The following AMZ2 variants were observed in gnomAD, a reference collection of about 807,000 sequenced individuals.
AMZ2 encodes the protein archaelysin family metallopeptidase 2.
In AMZ2, 26 loss-of-function variants were observed where a neutral mutation model predicts 36.7. That is an observed-to-expected ratio of 0.71 (90% CI 0.52 to 0.98). AMZ2 has a LOEUF of 0.98. Ranked by LOEUF, AMZ2 falls within the 50% of genes least tolerant of loss-of-function variation. The pLI, the probability that AMZ2 is intolerant of heterozygous loss-of-function variation, is 0.00. For missense variants in AMZ2, 394 were observed against 430.5 expected (o/e 0.92, Z 0.75); for synonymous variants, 144 against 149.1 (o/e 0.97, Z 0.25).
At chr17:68,209,632 A>ATATATATATATGTATATATATT in intron 1 of AMZ2, among the ~76,000 whole-genome samples, 1 of 90,690 alleles carries the variant, frequency 1.1e-5, no homozygotes, top group South Asian at 3.9e-4. Flanking sequence ...ATATATATAT[A>ATATATATATATGTATATATATT]TTTTTTTTTT....
rs193102452 is a variant in AMZ2, at chr17:68,224,713, T to A, written c.-67+18475T>A. On this transcript the variant is annotated intron_variant, in intron 1 of 7. Transcript: ENST00000674770. ...TGCGACAACATCTGGTTAATTTTTT[T>A]AAATTTTCTTAGAGTTGGGGTCTTC... 3.0e-3 allele frequency among the ~76,000 whole-genome samples: 461 copies of A among 152,204 alleles called. 1 individual carries two copies. Among genetic ancestry groups the A allele is most frequent in the African/African-American group, 0.011 (441 of 41,522 alleles).
At chr17:68,223,623 T>G (rs1555729107) in intron 1 of AMZ2, among the ~76,000 whole-genome samples, 1 of 152,158 alleles carries the variant, frequency 6.6e-6, no homozygotes, top group African/African-American at 2.4e-5. Flanking sequence ...CAATGCAACC[T>G]CTGCCTCTCG....
intron 1 of AMZ2, among the ~76,000 whole-genome samples, chr17:68,216,981 C>T (rs8074302): frequency 0.22 from 32,971 of 149,980 alleles, 4,006 homozygotes; most frequent in African/African-American, 0.32. Flanking sequence ...TGCAGTGAGC[C>T]GAGTTTGCGC....
upstream of AMZ2, chr17:68,247,336 CAAAAAAAAAA>C (rs71142158): frequency 2.6e-5 from 2 of 78,198 alleles, no homozygotes; most frequent in Non-Finnish European, 4.7e-5. Flanking sequence ...ACTCCGTCTC[CAAAAAAAAAA>C]AAAAAAAAAA....
At chr17:68,241,113 G>T (rs2073891986) in intron 1 of AMZ2, among the ~76,000 whole-genome samples, 1 of 152,030 alleles carries the variant, frequency 6.6e-6, no homozygotes, top group Admixed American at 6.6e-5. Context: ...AACCAGTATA[G>T]ATATGAATGG....
intron 1 of AMZ2, among the ~76,000 whole-genome samples, chr17:68,232,289 G>A (rs2073684604): frequency 6.6e-6 from 1 of 151,910 alleles, no homozygotes; most frequent in Admixed American, 6.6e-5. Context: ...TGGAGCCCAG[G>A]AGTATGAGAG....
chr17:68,255,635 A>G, intron 5 of AMZ2, 65 bp from the exon 6 acceptor site: 1 of 1,513,438 alleles, frequency 6.6e-7, no homozygotes, highest in African/African-American at 1.4e-5. Flanking sequence ...AAAGCAAGAA[A>G]AAGAAGAGAC....
At position 68,251,105 on chromosome 17, in the gene AMZ2, G is replaced by A. The variant is rs1372408041; in HGVS notation, c.513G>A (p.Val171=). 6.2e-7 allele frequency: 1 copy of A among 1,613,624 alleles called. No homozygotes were observed. The highest frequency in any genetic ancestry group is 1.3e-5 in the African/African-American group (1 of 74,888). The change falls in exon 4 of 7, where the codon GTG becomes GTA. Residue 171 remains valine, a synonymous_variant. Transcript: ENST00000359904. Reference sequence around the variant, plus strand: ...AACCTGAAGATGCCTTCTGTGTTGTGGGAATAACAATGATTGATCTTTACC... The same window carrying A: ...AACCTGAAGATGCCTTCTGTGTTGTAGGAATAACAATGATTGATCTTTACC... The part of the protein sequence containing the change: ...KKKPEDAFCV[V]GITMIDLYPR...
chr17:68,212,807 A>G (rs1401041568), intron 1 of AMZ2, among the ~76,000 whole-genome samples: 15 of 152,206 alleles, frequency 9.9e-5, no homozygotes, highest in Admixed American at 5.9e-4. Context: ...GGTTCAAGCA[A>G]TCCACCGACC....
intron 1 of AMZ2, among the ~76,000 whole-genome samples, chr17:68,217,810 ATTTT>A (rs145685949): frequency 0.32 from 43,612 of 136,422 alleles, 6,682 homozygotes; most frequent in African/African-American, 0.37. Flanking sequence ...AATAAAAAAG[ATTTT>A]TTTTTTTTTT....
At chr17:68,240,681 G>C (rs2073883988) in intron 1 of AMZ2, among the ~76,000 whole-genome samples, 1 of 152,120 alleles carries the variant, frequency 6.6e-6, no homozygotes, top group Non-Finnish European at 1.5e-5. Flanking sequence ...TAACCCTTCA[G>C]AACTCTAAGG....
At chr17:68,222,795 G>A (rs189989308) in intron 1 of AMZ2, among the ~76,000 whole-genome samples, 101 of 152,298 alleles carry the variant, frequency 6.6e-4, no homozygotes, top group East Asian at 6.4e-3. Flanking sequence ...GCAATAAGGA[G>A]TGGCTGTAAA....
intron 1 of AMZ2, among the ~76,000 whole-genome samples, chr17:68,228,168 G>T (rs1468925354): frequency 2.6e-5 from 4 of 151,926 alleles, no homozygotes; most frequent in Admixed American, 6.6e-5. Flanking sequence ...TCCTATTTCT[G>T]CCCACAGCCA....
rs1329464689 is a variant in AMZ2 at position 68,248,513 on chromosome 17, G to T, written c.-193G>T. 1 of 986,056 alleles carries T rather than the reference G, an allele frequency of 1.0e-6. No individual in the cohort carries two copies. The highest frequency in any genetic ancestry group is 1.7e-5 in the African/African-American group (1 of 57,350). 61.1% of individuals were successfully genotyped at this position (986,056 alleles called of 1,614,324 possible). ...CAGCCCACTGCAGTGACCGAATTCT[G>T]CGCCCCCTGCCCATCTTCTCCCGCA... is the stretch of plus-strand genomic sequence containing the variant. On this transcript the variant is annotated 5_prime_UTR_variant, in exon 1 of 7. Coordinates refer to ENST00000359904, the MANE Select transcript of AMZ2 (RefSeq NM_016627.5).
In AMZ2 at chr17:68,250,545, G is replaced by T. The variant is rs554421406; in HGVS notation, c.283+75G>T. The T allele has an allele frequency of 2.5e-5, 39 of 1,531,920 alleles. No individual in the cohort carries two copies. The South Asian group carries it at 4.1e-4, about 16-fold the overall frequency. The allele number at this position is 1,531,920 out of a possible 1,614,324, so 94.9% of individuals were successfully genotyped here. A position where few individuals can be genotyped will look rare whatever the true frequency, so the allele number is the denominator to read the frequency against. ...TTGTCAGGAATAGTCCAGGCTATGGGTCTGATTCAGATGGGCCGTTTTAGG... is the reference window on the plus strand; with the variant it reads ...TTGTCAGGAATAGTCCAGGCTATGGTTCTGATTCAGATGGGCCGTTTTAGG... On this transcript the variant is annotated intron_variant, in intron 2 of 6. Coordinates refer to ENST00000359904, the MANE Select transcript of AMZ2 (RefSeq NM_016627.5).
chr17:68,236,566 C>CT (rs782220711), intron 1 of AMZ2, among the ~76,000 whole-genome samples: 5,210 of 102,886 alleles, frequency 0.051, 238 homozygotes, highest in Admixed American at 0.087. Context: ...GGCAAACATC[C>CT]TTTTTTTTTT....
At chr17:68,215,145 C>T (rs1305541570) in intron 1 of AMZ2, among the ~76,000 whole-genome samples, 3 of 152,244 alleles carry the variant, frequency 2.0e-5, no homozygotes, top group Non-Finnish European at 4.4e-5. Flanking sequence ...TGAAATCTGT[C>T]ACCTTAACCC....
intron 1 of AMZ2, among the ~76,000 whole-genome samples, chr17:68,208,028 G>A (rs569914102): frequency 1.3e-5 from 2 of 152,166 alleles, no homozygotes; most frequent in African/African-American, 2.4e-5. Context: ...TCAATTTCTC[G>A]CAGGGCCTTA....
intron 1 of AMZ2, among the ~76,000 whole-genome samples, chr17:68,236,393 ATG>A (rs1460704985): frequency 6.6e-6 from 1 of 152,054 alleles, no homozygotes; most frequent in African/African-American, 2.4e-5. Context: ...TACAAAATAA[ATG>A]TATTTTATAT....
Sources: allele counts gnomAD v4.1 joint callset (sites outside exome capture counted in the v4.1 genomes callset), GRCh38; gene constraint gnomAD v4.1.1; transcripts MANE v1.5; gene names NCBI Gene and HGNC (gene_info 2026-07-23, HGNC 2026-07-21).